CCDC178: variants seen among roughly 807,000 people sequenced by gnomAD.
CCDC178 encodes coiled-coil domain-containing protein 178.
Under a neutral mutation model 117.4 loss-of-function variants are expected in CCDC178, and 126 were observed. That is an observed-to-expected ratio of 1.07 (90% CI 0.93 to 1.24). The LOEUF is 1.24. CCDC178 is among the 50% of genes most tolerant of loss of function. The pLI is 0.00. For synonymous variants in CCDC178, 283 were observed against 313.4 expected, an observed-to-expected ratio of 0.90 and a Z score of 1.02; for missense variants, 1,030 against 986.9, an observed-to-expected ratio of 1.04 and a Z score of -0.59.
At chr18:33,214,938 C>T (rs554101610) in intron 19 of CCDC178, among the ~76,000 whole-genome samples, 28 of 151,994 alleles carry the variant, frequency 1.8e-4, no homozygotes, top group South Asian at 6.2e-4. Flanking sequence ...TCCTCCAAGT[C>T]CAGTTCTCAA....
At chr18:33,436,328 C>T (rs1045374724) in intron 2 of CCDC178, among the ~76,000 whole-genome samples, 2 of 152,106 alleles carry the variant, frequency 1.3e-5, no homozygotes, top group Admixed American at 1.3e-4. Flanking sequence ...GTTTAGGTAA[C>T]AAGATGTCCA....
rs186934004 is a variant in CCDC178 at position 33,115,156 on chromosome 18, T to C, written c.2239-22246A>G. Among the ~76,000 whole-genome samples, 562 of 152,166 alleles carry C rather than the reference T, an allele frequency of 3.7e-3. 8 individuals carry two copies. The highest frequency in any genetic ancestry group is 0.013 in the African/African-American group (549 of 41,556). On this transcript the variant is annotated intron_variant, in intron 20 of 22. Coordinates refer to ENST00000383096, the MANE Select transcript of CCDC178 (RefSeq NM_001105528.4). ...GCTTGGTTCTTTTCTTCACCAAAAA[T>C]GTTTAAATTTAACTGAAGTGTTTTA... is the stretch of plus-strand genomic sequence containing the variant.
At chr18:33,293,787 G>A (rs138642126) in intron 11 of CCDC178, among the ~76,000 whole-genome samples, 2 of 152,276 alleles carry the variant, frequency 1.3e-5, no homozygotes, top group African/African-American at 4.8e-5. Flanking sequence ...CTACTTAGAT[G>A]TTAAGTAAAT....
chr18:33,122,587 C>T (rs187707032), intron 20 of CCDC178, among the ~76,000 whole-genome samples: 2 of 152,218 alleles, frequency 1.3e-5, no homozygotes, highest in Admixed American at 1.3e-4. Context: ...CCTCCATTCC[C>T]TAATTATGTG....
intron 10 of CCDC178, among the ~76,000 whole-genome samples, chr18:33,332,046 A>G (rs2062676425): frequency 6.6e-6 from 1 of 152,240 alleles, no homozygotes; most frequent in African/African-American, 2.4e-5. Context: ...GGAACATTGT[A>G]AGTAAAATGA....
intron 2 of CCDC178, among the ~76,000 whole-genome samples, chr18:33,438,520 C>T (rs2064324025): frequency 6.9e-6 from 1 of 144,774 alleles, no homozygotes; most frequent in Non-Finnish European, 1.5e-5. Context: ...ATACGGCATA[C>T]ACACACACAC....
At chr18:32,988,607 AT>A (rs2055320955) in intron 21 of CCDC178, among the ~76,000 whole-genome samples, 1 of 152,082 alleles carries the variant, frequency 6.6e-6, no homozygotes. Context: ...ATTTAAAAAA[AT>A]ATATAAAGAA....
In CCDC178 at chr18:33,328,082, G is replaced by GTTTTTTTTTTTTTTTTTTTTT. The variant is rs2062609334; in HGVS notation, c.880-4450_880-4449insAAAAAAAAAAAAAAAAAAAAA. 9.5e-5 allele frequency: 23 copies of GTTTTTTTTTTTTTTTTTTTTT among 242,062 alleles called. 6 individuals carry two copies. Among genetic ancestry groups the GTTTTTTTTTTTTTTTTTTTTT allele is most frequent in the African/African-American group, 7.2e-4 (22 of 30,394 alleles). 15.0% of individuals were successfully genotyped at this position (242,062 alleles called of 1,614,324 possible). A position where few individuals can be genotyped will look rare whatever the true frequency, so the allele number is the denominator to read the frequency against. The stretch of plus-strand genomic sequence containing the variant: ...CCAAGGTCATAAAGATTTATCCCTA[G>GTTTTTTTTTTTTTTTTTTTTT]ATTTTTTTTTTTTTTTTTTTTTTTT... On this transcript the variant is annotated intron_variant, in intron 10 of 22. Coordinates refer to ENST00000383096, the MANE Select transcript of CCDC178 (RefSeq NM_001105528.4).
chr18:33,241,948 T>C (rs1392312631), intron 15 of CCDC178, among the ~76,000 whole-genome samples: 2 of 151,454 alleles, frequency 1.3e-5, no homozygotes, highest in Admixed American at 1.3e-4. Flanking sequence ...CCCAAAAGAC[T>C]TCAAATTACC....
At chr18:33,179,059 T>TTA (rs1555656240) in intron 20 of CCDC178, among the ~76,000 whole-genome samples, 1 of 14,758 alleles carries the variant, frequency 6.8e-5, no homozygotes, top group Non-Finnish European at 1.1e-4. Context: ...AAGCACTCAG[T>TTA]AAAAAAAAAA....
intron 20 of CCDC178, among the ~76,000 whole-genome samples, chr18:33,186,800 G>T (rs948557520): frequency 6.6e-6 from 1 of 151,988 alleles, no homozygotes; most frequent in Non-Finnish European, 1.5e-5. Context: ...TTCTAGATTA[G>T]AAGTGACCAA....
chr18:33,424,604 C>G (rs909892100), intron 2 of CCDC178, among the ~76,000 whole-genome samples: 6 of 152,158 alleles, frequency 3.9e-5, no homozygotes, highest in African/African-American at 1.2e-4. Flanking sequence ...CAGAAAGAGA[C>G]AGAGAGAGAA....
At chr18:33,225,624 C>G (rs2059294053) in intron 16 of CCDC178, among the ~76,000 whole-genome samples, 1 of 152,144 alleles carries the variant, frequency 6.6e-6, no homozygotes, top group Non-Finnish European at 1.5e-5. Flanking sequence ...AGAGAACACA[C>G]TAATAACACA....
chr18:33,183,387 T>C (rs1421270884), intron 20 of CCDC178, among the ~76,000 whole-genome samples: 4 of 151,998 alleles, frequency 2.6e-5, no homozygotes, highest in Admixed American at 2.0e-4. Flanking sequence ...ACATGGGAGA[T>C]TTCACATTAG....
chr18:33,184,856 A>G (rs2144493869), intron 20 of CCDC178, among the ~76,000 whole-genome samples: 1 of 152,192 alleles, frequency 6.6e-6, no homozygotes, highest in East Asian at 1.9e-4. Context: ...CAAGGAGCAA[A>G]GTGGTCATTA....
intron 2 of CCDC178, among the ~76,000 whole-genome samples, chr18:33,426,442 G>A (rs1309276957): frequency 6.6e-6 from 1 of 151,986 alleles, no homozygotes; most frequent in African/African-American, 2.4e-5. Flanking sequence ...TTTTTCAAAG[G>A]GCATAGAAGT....
intron 21 of CCDC178, among the ~76,000 whole-genome samples, chr18:33,034,292 CT>C (rs1390538951): frequency 1.3e-5 from 2 of 151,966 alleles, no homozygotes; most frequent in African/African-American, 4.8e-5. Context: ...CCTTTCCTGT[CT>C]TTTTCCCTCT....
intron 3 of CCDC178, among the ~76,000 whole-genome samples, chr18:33,411,726 G>A (rs1296800392): frequency 6.6e-6 from 1 of 152,110 alleles, no homozygotes. Context: ...GAATGGAATC[G>A]AGAAGAGATA....
At chr18:33,079,454 G>A (rs1344083749) in intron 21 of CCDC178, among the ~76,000 whole-genome samples, 1 of 152,118 alleles carries the variant, frequency 6.6e-6, no homozygotes, top group African/African-American at 2.4e-5. Flanking sequence ...AACAGCTTAT[G>A]CACAGCAAAA....
Sources: gnomAD v4.1 joint callset for allele counts (sites outside exome capture counted in the v4.1 genomes callset) on GRCh38, gnomAD v4.1.1 for gene constraint, MANE v1.5 for transcripts, NCBI Gene and HGNC (gene_info 2026-07-23, HGNC 2026-07-21) for gene names.